Variants in MGAT4C observed in about 807,000 individuals in gnomAD.
MGAT4C encodes the protein MGAT4 family member C.
Under a neutral mutation model 40.1 loss-of-function variants are expected in MGAT4C, and 19 were observed. The ratio of observed to expected loss-of-function variants is 0.47; its 90% CI spans 0.33 to 0.70. MGAT4C has a LOEUF of 0.70. Ranked by LOEUF, MGAT4C falls within the 30% of genes least tolerant of loss-of-function variation. The pLI is 0.02. For synonymous variants in MGAT4C, 181 were observed against 187.1 expected, an observed-to-expected ratio of 0.97 and a Z score of 0.27; for missense variants, 491 against 563.2, an observed-to-expected ratio of 0.87 and a Z score of 1.30.
At chr12:86,247,116 T>C (rs1952071746) in intron 1 of MGAT4C, among the ~76,000 whole-genome samples, 1 of 152,352 alleles carries the variant, frequency 6.6e-6, no homozygotes, top group South Asian at 2.1e-4. Context: ...TATTTTTTAT[T>C]ATTCTGTGCA....
rs904840564 is a variant in MGAT4C, at chr12:86,764,587, C to T, written c.-261-37346G>A. On this transcript the variant is annotated intron_variant, in intron 1 of 7. Transcript: ENST00000548651. The stretch of plus-strand genomic sequence containing the variant: ...TCAAGTGGGTCCCTGACCCCTGACC[C>T]CTGAGCAGCCTAACTGGGAGGCACC... 9.2e-4 allele frequency among the ~76,000 whole-genome samples: 55 copies of T among 59,870 alleles called. 1 individual carries two copies. The highest frequency in any genetic ancestry group is 3.0e-3 in the African/African-American group (51 of 17,016). 39.3% of individuals were successfully genotyped at this position (59,870 alleles called of 152,430 possible). A position where few individuals can be genotyped will look rare whatever the true frequency, so the allele number is the denominator to read the frequency against.
chr12:86,202,214 T>C (rs1335304731), intron 1 of MGAT4C, among the ~76,000 whole-genome samples: 4 of 152,080 alleles, frequency 2.6e-5, no homozygotes, highest in African/African-American at 7.2e-5. Flanking sequence ...AAAGCATCAA[T>C]ATTCTGCCAT....
chr12:86,429,069 TTTC>T (rs979019656), intron 3 of MGAT4C, among the ~76,000 whole-genome samples: 6 of 152,100 alleles, frequency 3.9e-5, no homozygotes, highest in African/African-American at 1.4e-4. Context: ...TTGAGATCTT[TTTC>T]TTCTTTTTTT....
chr12:86,344,528 A>C (rs1024761100), intron 3 of MGAT4C, among the ~76,000 whole-genome samples: 4 of 152,218 alleles, frequency 2.6e-5, no homozygotes, highest in African/African-American at 9.6e-5. Flanking sequence ...AAATTAAATT[A>C]TCTCTCTCTA....
intron 2 of MGAT4C, among the ~76,000 whole-genome samples, chr12:86,567,788 T>G (rs576838892): frequency 6.6e-6 from 1 of 152,318 alleles, no homozygotes; most frequent in Admixed American, 6.5e-5. Flanking sequence ...GAGTATTTCT[T>G]CCTTATTTTG....
At position 85,965,671 on chromosome 12, in the gene MGAT4C, A is replaced by G. The variant is rs1255003887; in HGVS notation, c.*13618T>C. 3 of 151,936 alleles carry G rather than the reference A, an allele frequency of 2.0e-5. No individual in the cohort carries two copies. Among genetic ancestry groups the G allele is most frequent in the Non-Finnish European group, 2.9e-5 (2 of 67,984 alleles). 9.4% of individuals were successfully genotyped at this position (151,936 alleles called of 1,614,324 possible). On this transcript the variant is annotated 3_prime_UTR_variant, in exon 5 of 5. Coordinates refer to ENST00000611864, the MANE Select transcript of MGAT4C (RefSeq NM_001351288.2). ...CTACGCTGAAAGGCAGAGAAGAAGT[A>G]ATTATGAACAAACTGTTCATGAAGT...
chr12:86,587,286 G>T (rs1308194105), intron 2 of MGAT4C, among the ~76,000 whole-genome samples: 5 of 151,986 alleles, frequency 3.3e-5, no homozygotes, highest in Non-Finnish European at 7.4e-5. Flanking sequence ...TATTTCTGAG[G>T]ACTCTGTTCT....
At chr12:86,364,163 C>G (rs2897271) in intron 3 of MGAT4C, among the ~76,000 whole-genome samples, 1 of 151,776 alleles carries the variant, frequency 6.6e-6, no homozygotes, top group African/African-American at 2.4e-5. Flanking sequence ...TCCTACAGAA[C>G]CTCTTCCAGA....
rs531618266 is a variant in MGAT4C, at chr12:85,962,282, T to C, written c.*17007A>G. 21 of 151,606 alleles carry C rather than the reference T, an allele frequency of 1.4e-4. No homozygotes were observed. The highest frequency in any genetic ancestry group is 5.1e-4 in the African/African-American group (21 of 41,478). 9.4% of individuals were successfully genotyped at this position (151,606 alleles called of 1,614,324 possible). ...TAAATATCCCAACATATCTTTCGTT[T>C]TGAGATCTGCAGAACAAAGTCAATG... On this transcript the variant is annotated 3_prime_UTR_variant, in exon 5 of 5. Transcript: ENST00000611864.
At chr12:86,064,033 C>T (rs1894259856) in intron 1 of MGAT4C, among the ~76,000 whole-genome samples, 1 of 152,206 alleles carries the variant, frequency 6.6e-6, no homozygotes, top group Non-Finnish European at 1.5e-5. Context: ...TTGAACTCAG[C>T]TCTGGACCAA....
intron 4 of MGAT4C, among the ~76,000 whole-genome samples, chr12:86,311,106 G>A (rs566395966): frequency 6.6e-5 from 10 of 152,296 alleles, no homozygotes; most frequent in African/African-American, 1.2e-4. Context: ...CATGCATCAC[G>A]TAACAATAGT....
chr12:86,335,964 T>C (rs1954780104), intron 3 of MGAT4C, among the ~76,000 whole-genome samples: 2 of 152,146 alleles, frequency 1.3e-5, no homozygotes, highest in African/African-American at 2.4e-5. Context: ...TGCACTCTTC[T>C]GCAGTGTTCT....
chr12:86,416,929 AAGATTATTTCCT>A, intron 3 of MGAT4C, among the ~76,000 whole-genome samples: 1 of 152,140 alleles, frequency 6.6e-6, no homozygotes, highest in Non-Finnish European at 1.5e-5. Context: ...AAAGCAAGGA[AAGATTATTTCCT>A]ACAGGTTTCA....
intron 4 of MGAT4C, among the ~76,000 whole-genome samples, chr12:86,282,836 G>T (rs1953254051): frequency 6.6e-6 from 1 of 152,044 alleles, no homozygotes; most frequent in Non-Finnish European, 1.5e-5. Context: ...AACTACAAAA[G>T]CTTTTCTATA....
intron 1 of MGAT4C, among the ~76,000 whole-genome samples, chr12:86,245,965 T>C (rs1478029988): frequency 6.6e-6 from 1 of 152,160 alleles, no homozygotes; most frequent in East Asian, 1.9e-4. Flanking sequence ...CAGTTTTACA[T>C]ATTTAAATTA....
At chr12:86,662,418 A>G (rs2136550226) in intron 2 of MGAT4C, among the ~76,000 whole-genome samples, 1 of 152,354 alleles carries the variant, frequency 6.6e-6, no homozygotes, top group African/African-American at 2.4e-5. Context: ...TGAAGATTAT[A>G]GACACAGAAG....
At chr12:86,448,151 T>C (rs1957370420) in intron 2 of MGAT4C, among the ~76,000 whole-genome samples, 1 of 152,152 alleles carries the variant, frequency 6.6e-6, no homozygotes, top group Non-Finnish European at 1.5e-5. Flanking sequence ...TGATAAAATA[T>C]GAGACATGGT....
At chr12:86,542,687 A>G (rs1374454800) in intron 2 of MGAT4C, among the ~76,000 whole-genome samples, 1 of 152,224 alleles carries the variant, frequency 6.6e-6, no homozygotes, top group East Asian at 1.9e-4. Flanking sequence ...TAAATATGCT[A>G]AATAAGCATG....
At chr12:86,769,006 A>C (rs937461747) in intron 1 of MGAT4C, among the ~76,000 whole-genome samples, 31 of 151,780 alleles carry the variant, frequency 2.0e-4, no homozygotes, top group Non-Finnish European at 1.5e-4. Flanking sequence ...ACAAAAGACA[A>C]AATTGACAAA....
Sources: gnomAD v4.1 joint callset for allele counts (sites outside exome capture counted in the v4.1 genomes callset) on GRCh38, gnomAD v4.1.1 for gene constraint, MANE v1.5 for transcripts, NCBI Gene and HGNC (gene_info 2026-07-23, HGNC 2026-07-21) for gene names.